ANKRD24: variants seen among roughly 807,000 people sequenced by gnomAD.
ANKRD24 encodes ankyrin repeat domain-containing protein 24.
A neutral mutation model predicts 127.8 loss-of-function variants in ANKRD24; 109 were observed. The ratio of observed to expected loss-of-function variants is 0.85; its 90% CI spans 0.73 to 1.00. ANKRD24 has a LOEUF of 1.00. ANKRD24 is among the 50% of genes least tolerant of loss of function. ANKRD24 has a pLI of 0.00. For synonymous variants in ANKRD24, 743 were observed against 671.1 expected (o/e 1.11, Z -1.66); for missense variants, 1,648 against 1,570.2 (o/e 1.05, Z -0.84).
chr19:4,214,090 G>A (rs930956126), intron 15 of ANKRD24, among the ~76,000 whole-genome samples: 2 of 152,158 alleles, frequency 1.3e-5, no homozygotes, highest in East Asian at 1.9e-4. Context: ...CATCACACAC[G>A]CATGCATTGC....
At chr19:4,210,565 A>C (rs1969665779) in intron 13 of ANKRD24, among the ~76,000 whole-genome samples, 193 bp downstream of exon 13, 2 of 150,714 alleles carry the variant, frequency 1.3e-5, no homozygotes, top group African/African-American at 4.9e-5. Flanking sequence ...TTGCACCACC[A>C]GTGTCCTCTG....
chr19:4,206,369 G>A (rs1049142503), intron 7 of ANKRD24, among the ~76,000 whole-genome samples: 2 of 151,378 alleles, frequency 1.3e-5, no homozygotes, highest in African/African-American at 4.8e-5. Flanking sequence ...GAGTGGTGGT[G>A]CACGCCTACA....
At chr19:4,210,397 C>A (rs765333087) in intron 13 of ANKRD24, 25 bp downstream of exon 13, 2 of 1,442,122 alleles carry the variant, frequency 1.4e-6, no homozygotes, top group East Asian at 5.2e-5. Flanking sequence ...GAGATTTGGG[C>A]GTGGGCCAGC....
At chr19:4,194,911 G>A (rs938085150) in intron 2 of ANKRD24, among the ~76,000 whole-genome samples, 6 of 152,286 alleles carry the variant, frequency 3.9e-5, no homozygotes, top group Admixed American at 1.3e-4. Context: ...AAGCCTGGAG[G>A]GCTGACAGTA....
chr19:4,191,449 CTTTTA>C (rs1003359913), intron 2 of ANKRD24, among the ~76,000 whole-genome samples: 9 of 151,924 alleles, frequency 5.9e-5, no homozygotes, highest in African/African-American at 1.9e-4. Flanking sequence ...TATGTATTTA[CTTTTA>C]TTTTATTTTC....
intron 7 of ANKRD24, among the ~76,000 whole-genome samples, chr19:4,206,059 A>G (rs1325615399): frequency 1.6e-5 from 2 of 128,920 alleles, no homozygotes; most frequent in Non-Finnish European, 3.4e-5. Flanking sequence ...GGAGAATGGC[A>G]TGAACCCGGG....
At chr19:4,194,404 T>C (rs946680699) in intron 2 of ANKRD24, among the ~76,000 whole-genome samples, 3 of 152,164 alleles carry the variant, frequency 2.0e-5, no homozygotes, top group Non-Finnish European at 4.4e-5. Context: ...CAGCCCACCT[T>C]GGCCTCCCAA....
At chr19:4,220,534 C>T (rs1970384502) in intron 19 of ANKRD24, among the ~76,000 whole-genome samples, 2 of 152,052 alleles carry the variant, frequency 1.3e-5, no homozygotes, top group African/African-American at 4.8e-5. Context: ...GGGAATTTTT[C>T]ACACATTACC....
intron 2 of ANKRD24, among the ~76,000 whole-genome samples, chr19:4,193,974 C>A (rs1968554085): frequency 6.6e-6 from 1 of 151,736 alleles, no homozygotes. Context: ...TCTTAAAAGG[C>A]CAGAGGATTA....
Position 4,222,787 on chromosome 19 carries a change from C to T in ANKRD24, c.3289C>T (p.Gln1097Ter), listed in dbSNP as rs760341139. The T allele has an allele frequency of 5.0e-6, 8 of 1,607,630 alleles. No homozygotes were observed. In the African/African-American group the frequency reaches 9.4e-5, roughly 19 times the overall value. ...TGACCAGGTGAAGGATTTACAGCAG[C>T]AGCTGCAGGTAAGGACTGGGCCACG... ...LRDQVKDLQQQLQEAARDHSS... is the reference protein window; with the variant it reads ...LRDQVKDLQQ The change falls in exon 20 of 22, where the codon CAG becomes TAG. Residue 1097 changes from glutamine (Q) to a stop codon, truncating the protein, a stop_gained. Transcript: ENST00000318934. LOFTEE classifies it high-confidence loss of function.
rs990054969 is a variant in ANKRD24, at chr19:4,183,300, A to C, written c.-37+560A>C. 4.1e-6 allele frequency: 4 copies of C among 986,232 alleles called. No individual in the cohort carries two copies. In the East Asian group the frequency reaches 4.5e-4, roughly 112 times the overall value. 61.1% of individuals were successfully genotyped at this position (986,232 alleles called of 1,614,324 possible). On this transcript the variant is annotated intron_variant, in intron 1 of 21. Coordinates refer to ENST00000318934, the MANE Select transcript of ANKRD24 (RefSeq NM_001393985.1). The stretch of plus-strand genomic sequence containing the variant: ...CGGCCAAGTTATCTGAGTATCATCC[A>C]ACTGGAGGTTCTGCATTCTGCAGGA...
At chr19:4,210,754 TCTTC>T (rs1969681265) in intron 13 of ANKRD24, among the ~76,000 whole-genome samples, 1 of 123,206 alleles carries the variant, frequency 8.1e-6, no homozygotes, top group Non-Finnish European at 1.7e-5. Context: ...ATGCCCACTT[TCTTC>T]AAAATTGTAA....
intron 1 of ANKRD24, among the ~76,000 whole-genome samples, chr19:4,183,153 A>G (rs1003665577): frequency 4.6e-5 from 7 of 151,876 alleles, no homozygotes; most frequent in Middle Eastern, 3.4e-3. Context: ...AAATTTTTGT[A>G]TTTTTTAGTA....
chr19:4,193,776 G>A (rs1968519431), intron 2 of ANKRD24, among the ~76,000 whole-genome samples: 1 of 146,806 alleles, frequency 6.8e-6, no homozygotes, highest in South Asian at 2.2e-4. Flanking sequence ...GGTGGAGTTT[G>A]CAGTGAGCAG....
Position 4,210,388 on chromosome 19 carries a change from A to G in ANKRD24, c.1059+16A>G. Reference sequence around the variant, plus strand: ...GCAGCAGGAGGTTAGGAGGCCTCGGAGATTTGGGCGTGGGCCAGCCTGGGT... The same window carrying G: ...GCAGCAGGAGGTTAGGAGGCCTCGGGGATTTGGGCGTGGGCCAGCCTGGGT... On this transcript the variant is annotated intron_variant, in intron 13 of 21. Transcript: ENST00000318934. 6.7e-7 allele frequency: 1 copy of G among 1,483,232 alleles called. No individual in the cohort carries two copies. The highest frequency in any genetic ancestry group is 8.9e-7 in the Non-Finnish European group (1 of 1,118,056). The allele number at this position is 1,483,232 out of a possible 1,614,324, so 91.9% of individuals were successfully genotyped here.
In ANKRD24 at chr19:4,199,492, G is replaced by A. The variant is rs1332089257; in HGVS notation, c.37-191G>A. 101 of 985,114 alleles carry A rather than the reference G, an allele frequency of 1.0e-4. No individual in the cohort carries two copies. Among genetic ancestry groups the A allele is most frequent in the Non-Finnish European group, 1.2e-4 (99 of 829,726 alleles). 61.0% of individuals were successfully genotyped at this position (985,114 alleles called of 1,614,324 possible). On this transcript the variant is annotated intron_variant, in intron 2 of 21. Coordinates refer to ENST00000318934, the MANE Select transcript of ANKRD24 (RefSeq NM_001393985.1). The surrounding 1 kb of genome is among the most constrained non-coding windows in gnomAD (Gnocchi z 5.2). The stretch of plus-strand genomic sequence containing the variant: ...CTCCCCAGATGCTGGGACTACAGGC[G>A]TGAGCCTCCATGCTCAGCCCAGGGG...
At chr19:4,222,604 T>C in intron 19 of ANKRD24, 66 bp from the exon 20 acceptor site, 1 of 1,479,688 alleles carries the variant, frequency 6.8e-7, no homozygotes. Context: ...TTCCTGCGGC[T>C]GCAGAGAGGT....
At chr19:4,210,393 T>C (rs1289424831) in intron 13 of ANKRD24, 21 bp downstream of exon 13, 8 of 1,453,274 alleles carry the variant, frequency 5.5e-6, no homozygotes, top group Non-Finnish European at 7.3e-6. Flanking sequence ...CTCGGAGATT[T>C]GGGCGTGGGC....
rs1051904428 is a variant in ANKRD24, at chr19:4,195,698, C to G, written c.37-3985C>G. On this transcript the variant is annotated intron_variant, in intron 2 of 21. Coordinates refer to ENST00000318934, the MANE Select transcript of ANKRD24 (RefSeq NM_001393985.1). The surrounding 1 kb of genome is among the most constrained non-coding windows in gnomAD (Gnocchi z 4.2). ...GGATCACGAGGTCAGAGTTCAAGAC[C>G]AGCCTGGCCAACATGACAAAACCCC... Among the ~76,000 whole-genome samples, 1 of 152,106 alleles carries G rather than the reference C, an allele frequency of 6.6e-6. No homozygotes were observed. The highest frequency in any genetic ancestry group is 2.4e-5 in the African/African-American group (1 of 41,422).
Sources: allele counts gnomAD v4.1 joint callset (sites outside exome capture counted in the v4.1 genomes callset), GRCh38; gene constraint gnomAD v4.1.1; non-coding constraint Gnocchi (gnomAD v3.1); transcripts MANE v1.5; gene names NCBI Gene and HGNC (gene_info 2026-07-23, HGNC 2026-07-21).